The following BORCS5 variants were observed in gnomAD, a reference collection of about 807,000 sequenced individuals.
BORCS5 encodes the protein BLOC-1 related complex subunit 5.
BORCS5 carries 17 observed loss-of-function variants against 22.1 expected under a neutral mutation model. The observed-to-expected ratio is 0.77, with a 90% CI of 0.53 to 1.15. The LOEUF (loss-of-function observed/expected upper bound fraction) is 1.15. Among genes scored for constraint, BORCS5 ranks in the 50% most tolerant of loss-of-function variants. The pLI is 0.00. For missense variants in BORCS5, 247 were observed against 253.2 expected, an observed-to-expected ratio of 0.98 and a Z score of 0.17; for synonymous variants, 117 against 99.8, an observed-to-expected ratio of 1.17 and a Z score of -1.03.
chr12:12,403,662 A>G (rs946714081), intron 2 of BORCS5, among the ~76,000 whole-genome samples: 2 of 152,218 alleles, frequency 1.3e-5, no homozygotes, highest in Admixed American at 6.5e-5. Context: ...GGTATCTTCA[A>G]CAAAGGCTGT....
At chr12:12,411,947 G>T (rs548061715) in intron 2 of BORCS5, among the ~76,000 whole-genome samples, 48 of 152,098 alleles carry the variant, frequency 3.2e-4, no homozygotes, top group Admixed American at 3.1e-3. Flanking sequence ...TATATGTGAG[G>T]GTTTGTTCTG....
intron 2 of BORCS5, among the ~76,000 whole-genome samples, chr12:12,369,636 T>G (rs1277461626): frequency 6.6e-6 from 1 of 151,696 alleles, no homozygotes; most frequent in African/African-American, 2.4e-5. Flanking sequence ...TTATAGTTCA[T>G]TTAGAATTAC....
At chr12:12,360,066 A>T (rs1863244691) in intron 1 of BORCS5, among the ~76,000 whole-genome samples, 1 of 152,124 alleles carries the variant, frequency 6.6e-6, no homozygotes, top group South Asian at 2.1e-4. Context: ...CATTCATGTT[A>T]TATAATCCTG....
At chr12:12,369,434 T>G (rs1231887841) in intron 2 of BORCS5, among the ~76,000 whole-genome samples, 2 of 152,200 alleles carry the variant, frequency 1.3e-5, no homozygotes, top group African/African-American at 4.8e-5. Flanking sequence ...GTCTCCCATT[T>G]TGCTCTTCAT....
At chr12:12,382,005 C>T (rs1373139667) in intron 2 of BORCS5, among the ~76,000 whole-genome samples, 1 of 151,418 alleles carries the variant, frequency 6.6e-6, no homozygotes, top group Non-Finnish European at 1.5e-5. Flanking sequence ...TAACAACTTT[C>T]ATCATTATGA....
rs1230440758 is a variant in BORCS5, at chr12:12,465,813, C to T, written c.*37C>T. 2 of 1,555,732 alleles carry T rather than the reference C, an allele frequency of 1.3e-6. No homozygotes were observed. Among genetic ancestry groups the T allele is most frequent in the African/African-American group, 2.7e-5 (2 of 73,978 alleles). On this transcript the variant is annotated 3_prime_UTR_variant, in exon 4 of 4. Coordinates refer to ENST00000314565, the MANE Select transcript of BORCS5 (RefSeq NM_058169.6). Reference sequence around the variant, plus strand: ...CCTGCCTGGGGCTGGGAGCCCCAGACACCGACACCCTGAGGACGTGTGGAG... The same window carrying T: ...CCTGCCTGGGGCTGGGAGCCCCAGATACCGACACCCTGAGGACGTGTGGAG...
intron 2 of BORCS5, among the ~76,000 whole-genome samples, chr12:12,367,505 G>A (rs1170490776): frequency 6.6e-6 from 1 of 152,202 alleles, no homozygotes; most frequent in Admixed American, 6.5e-5. Context: ...TTATGGGTTT[G>A]TATTTGTAAT....
chr12:12,390,276 T>C lies in BORCS5; in HGVS notation c.202+28927T>C, dbSNP rs150985049. Among the ~76,000 whole-genome samples, 124 of 152,240 alleles carry C rather than the reference T, an allele frequency of 8.1e-4. 1 individual carries two copies. Among genetic ancestry groups the C allele is most frequent in the Non-Finnish European group, 1.2e-3 (81 of 68,030 alleles). On this transcript the variant is annotated intron_variant, in intron 2 of 3. Coordinates refer to ENST00000314565, the MANE Select transcript of BORCS5 (RefSeq NM_058169.6). ...TTTCAAAGAGCTTACATTCTAATAG[T>C]TCATCCCACTAGAAGGCAAGTTTGT...
At chr12:12,378,838 G>C (rs568313989) in intron 2 of BORCS5, among the ~76,000 whole-genome samples, 7 of 151,122 alleles carry the variant, frequency 4.6e-5, no homozygotes, top group Admixed American at 1.3e-4. Flanking sequence ...CTGCAGCCTC[G>C]ACCTCCCAGG....
chr12:12,460,606 G>T (rs1943084813), intron 3 of BORCS5, among the ~76,000 whole-genome samples: 1 of 152,182 alleles, frequency 6.6e-6, no homozygotes, highest in Non-Finnish European at 1.5e-5. Flanking sequence ...TAACTGTATT[G>T]TCAGCTGGAA....
intron 2 of BORCS5, among the ~76,000 whole-genome samples, chr12:12,420,529 C>T (rs745923408): frequency 2.0e-5 from 3 of 152,138 alleles, no homozygotes; most frequent in Non-Finnish European, 4.4e-5. Context: ...GCAATGCGGG[C>T]TCTTTTTTGG....
At chr12:12,440,605 G>GAA (rs11388720) in intron 3 of BORCS5, among the ~76,000 whole-genome samples, 2,107 of 139,800 alleles carry the variant, frequency 0.015, 18 homozygotes, top group African/African-American at 0.027. Flanking sequence ...CTAGGTCTTT[G>GAA]AAAAAAAAAA....
chr12:12,448,069 T>C (rs1300137456), intron 3 of BORCS5, among the ~76,000 whole-genome samples: 2 of 152,184 alleles, frequency 1.3e-5, no homozygotes, highest in African/African-American at 4.8e-5. Context: ...TCAGCTGAGA[T>C]TCAGAGACCT....
intron 2 of BORCS5, among the ~76,000 whole-genome samples, chr12:12,420,263 T>TG (rs1281667526): frequency 6.6e-6 from 1 of 152,092 alleles, no homozygotes; most frequent in Non-Finnish European, 1.5e-5. Flanking sequence ...TTTCTACATA[T>TG]GGCTAGCCAG....
intron 2 of BORCS5, among the ~76,000 whole-genome samples, chr12:12,433,651 C>G (rs542833017): frequency 6.6e-6 from 1 of 152,266 alleles, no homozygotes; most frequent in East Asian, 1.9e-4. Flanking sequence ...TTAAAAAATT[C>G]CCAATTTCTG....
At chr12:12,417,141 C>T (rs977612618) in intron 2 of BORCS5, among the ~76,000 whole-genome samples, 7 of 151,216 alleles carry the variant, frequency 4.6e-5, no homozygotes, top group African/African-American at 9.8e-5. Flanking sequence ...CACTGCATTT[C>T]ATAAGTTTTG....
At chr12:12,432,860 G>A (rs918402837) in intron 2 of BORCS5, among the ~76,000 whole-genome samples, 12 of 152,176 alleles carry the variant, frequency 7.9e-5, no homozygotes, top group African/African-American at 2.9e-4. Context: ...ATTAATGGTT[G>A]CCAGTGTTTT....
intron 3 of BORCS5, chr12:12,436,033 T>G (rs1020743265): frequency 1.3e-4 from 57 of 427,220 alleles, no homozygotes; most frequent in Admixed American, 2.1e-4. Context: ...ATGTGAAAAA[T>G]GGGGCTAATA....
In BORCS5 at chr12:12,368,272, TTC is replaced by T. The variant is rs1014299208; in HGVS notation, c.202+6925_202+6926del. On this transcript the variant is annotated intron_variant, in intron 2 of 3. Coordinates refer to ENST00000314565, the MANE Select transcript of BORCS5 (RefSeq NM_058169.6). ...TATGATACCTCCCCACCCAGTGGTA[TTC>T]TGTTTTGTTTTTTTTTTTTTAATCT... Among the ~76,000 whole-genome samples the T allele has an allele frequency of 2.0e-5, 3 of 151,700 alleles. No homozygotes were observed. In the East Asian group the frequency reaches 5.8e-4, roughly 29 times the overall value.
Sources: gnomAD v4.1 joint callset for allele counts (sites outside exome capture counted in the v4.1 genomes callset) on GRCh38, gnomAD v4.1.1 for gene constraint, MANE v1.5 for transcripts, NCBI Gene and HGNC (gene_info 2026-07-23, HGNC 2026-07-21) for gene names.